The following MYO3B variants were observed in gnomAD, a reference collection of about 807,000 sequenced individuals.
MYO3B encodes myosin-IIIb.
MYO3B carries 156 observed loss-of-function variants against 174.6 expected under a neutral mutation model. The ratio of observed to expected loss-of-function variants is 0.89; its 90% CI spans 0.78 to 1.02. The LOEUF (loss-of-function observed/expected upper bound fraction) is 1.02. Among genes scored for constraint, MYO3B ranks in the 50% least tolerant of loss-of-function variants. The probability of loss-of-function intolerance (pLI) is 0.00; values close to 1 mark genes in which losing one functional copy is unlikely to be tolerated. For missense variants in MYO3B, 1,632 were observed against 1,639.4 expected, an observed-to-expected ratio of 1.00 and a Z score of 0.08; for synonymous variants, 563 against 569.1, an observed-to-expected ratio of 0.99 and a Z score of 0.15.
Position 170,214,750 on chromosome 2 carries a change from A to G in MYO3B, c.448A>G (p.Asn150Asp). The change falls in exon 5 of 35, where the codon AAC (asparagine) becomes GAC (aspartate). Residue 150 changes from asparagine (N) to aspartate (D), a missense_variant. By Grantham distance (23) the Asn-to-Asp change is conservative. Coordinates refer to ENST00000408978, the MANE Select transcript of MYO3B (RefSeq NM_138995.5). The part of the protein sequence containing the change: ...ALLGLQHLHN[N>D]RIIHRDVKGN... ...GCAGGGCCTTCAGCATTTGCACAAC[A>G]ACCGAATCATCCACCGTGATGTGAA... The G allele has an allele frequency of 6.2e-7, 1 of 1,614,124 alleles. No homozygotes were observed. The highest frequency in any genetic ancestry group is 1.1e-5 in the South Asian group (1 of 91,068).
At chr2:170,649,126 A>AT (rs1481725715) in intron 32 of MYO3B, among the ~76,000 whole-genome samples, 5 of 52,798 alleles carry the variant, frequency 9.5e-5, no homozygotes, top group African/African-American at 1.6e-4. Flanking sequence ...TATATAATGT[A>AT]TATAAAATAA....
chr2:170,330,264 A>G (rs2093902457), intron 7 of MYO3B, among the ~76,000 whole-genome samples: 1 of 151,936 alleles, frequency 6.6e-6, no homozygotes, highest in Non-Finnish European at 1.5e-5. Context: ...TTCATTTTGC[A>G]CCTTCTTGAG....
At chr2:170,442,690 C>A (rs996427956) in intron 22 of MYO3B, among the ~76,000 whole-genome samples, 15 of 152,152 alleles carry the variant, frequency 9.9e-5, no homozygotes, top group Middle Eastern at 6.8e-3. Context: ...GTGTGATGTT[C>A]CCCACCCTGC....
chr2:170,366,553 A>C (rs1417959354), intron 8 of MYO3B, among the ~76,000 whole-genome samples: 2 of 152,160 alleles, frequency 1.3e-5, no homozygotes, highest in Admixed American at 1.3e-4. Flanking sequence ...CTGGGCTCCC[A>C]AAGTGTTGGG....
intron 22 of MYO3B, among the ~76,000 whole-genome samples, chr2:170,414,710 G>A (rs1387035596): frequency 6.6e-6 from 1 of 152,144 alleles, no homozygotes; most frequent in African/African-American, 2.4e-5. Context: ...TCCATTCCAT[G>A]AACATGATAT....
chr2:170,181,326 T>C (rs2092395725), intron 1 of MYO3B, among the ~76,000 whole-genome samples: 1 of 152,200 alleles, frequency 6.6e-6, no homozygotes, highest in Non-Finnish European at 1.5e-5. Flanking sequence ...TAATTAGTTC[T>C]AGTAATGTTT....
chr2:170,639,836 G>A (rs1205046860), intron 32 of MYO3B, among the ~76,000 whole-genome samples: 1 of 152,090 alleles, frequency 6.6e-6, no homozygotes, highest in East Asian at 1.9e-4. Context: ...TATTTCCATG[G>A]TCAGCAAAAT....
intron 3 of MYO3B, among the ~76,000 whole-genome samples, chr2:170,209,490 A>T (rs1033063097): frequency 1.3e-5 from 2 of 152,216 alleles, no homozygotes; most frequent in Non-Finnish European, 2.9e-5. Flanking sequence ...TCAGCTCTTT[A>T]TGAGTCCTGT....
At chr2:170,315,271 C>T (rs1195616974) in intron 7 of MYO3B, among the ~76,000 whole-genome samples, 7 of 151,934 alleles carry the variant, frequency 4.6e-5, no homozygotes, top group Non-Finnish European at 1.0e-4. Flanking sequence ...CAGAGATAAT[C>T]TGGAGAATTA....
chr2:170,304,468 C>CTT (rs34449441), intron 7 of MYO3B, among the ~76,000 whole-genome samples: 37 of 131,806 alleles, frequency 2.8e-4, no homozygotes, highest in South Asian at 4.8e-4. Context: ...TTTTCTTTTT[C>CTT]TTTTTTTTTT....
intron 16 of MYO3B, among the ~76,000 whole-genome samples, chr2:170,396,195 C>A (rs1407969305): frequency 6.6e-6 from 1 of 152,082 alleles, no homozygotes; most frequent in African/African-American, 2.4e-5. Context: ...CAAGATTCTG[C>A]AGAAAAGGCA....
intron 7 of MYO3B, among the ~76,000 whole-genome samples, chr2:170,327,357 C>G (rs543701525): frequency 1.3e-5 from 2 of 152,340 alleles, no homozygotes; most frequent in Admixed American, 1.3e-4. Flanking sequence ...TGCACTCCAG[C>G]CTGGGTGACA....
intron 22 of MYO3B, among the ~76,000 whole-genome samples, chr2:170,428,366 G>A (rs2094682080): frequency 6.6e-6 from 1 of 152,130 alleles, no homozygotes; most frequent in Non-Finnish European, 1.5e-5. Context: ...TAGTTTTATT[G>A]TCTTTATTTT....
chr2:170,488,635 A>G (rs1686227817), intron 25 of MYO3B, among the ~76,000 whole-genome samples: 1 of 152,236 alleles, frequency 6.6e-6, no homozygotes. Flanking sequence ...ATGAAATAAA[A>G]GAATGTTGGG....
At chr2:170,269,107 A>G (rs917841014) in intron 7 of MYO3B, among the ~76,000 whole-genome samples, 2 of 152,150 alleles carry the variant, frequency 1.3e-5, no homozygotes, top group Non-Finnish European at 2.9e-5. Flanking sequence ...AGGTGGTTGT[A>G]CACCTTACAG....
chr2:170,494,727 C>CAAAAAAAAAA (rs3066990), intron 25 of MYO3B, among the ~76,000 whole-genome samples: 1 of 92,038 alleles, frequency 1.1e-5, no homozygotes, highest in Non-Finnish European at 2.1e-5. Flanking sequence ...AACTGCGTCT[C>CAAAAAAAAAA]AAAAAAAAAA....
intron 7 of MYO3B, among the ~76,000 whole-genome samples, chr2:170,325,928 C>T (rs924179575): frequency 3.1e-4 from 47 of 152,138 alleles, no homozygotes; most frequent in African/African-American, 1.1e-3. Flanking sequence ...CTGTGTTCAT[C>T]GTGTTCAGAA....
chr2:170,517,724 C>G (rs1345437885), intron 29 of MYO3B, among the ~76,000 whole-genome samples: 1 of 152,000 alleles, frequency 6.6e-6, no homozygotes, highest in Non-Finnish European at 1.5e-5. Flanking sequence ...AGTGGGTTCC[C>G]CTTTTTTGTT....
chr2:170,482,971 G>A (rs189352897), intron 25 of MYO3B, among the ~76,000 whole-genome samples: 1 of 152,368 alleles, frequency 6.6e-6, no homozygotes, highest in Non-Finnish European at 1.5e-5. Context: ...AAAACTAATT[G>A]TTTTAAGCCC....
Sources: allele counts gnomAD v4.1 joint callset (sites outside exome capture counted in the v4.1 genomes callset), GRCh38; gene constraint gnomAD v4.1.1; transcripts MANE v1.5; gene names NCBI Gene and HGNC (gene_info 2026-07-23, HGNC 2026-07-21).